The following ZNF423 variants were observed in gnomAD, a reference collection of about 807,000 sequenced individuals.
The protein encoded by ZNF423 is Ebf-associated zinc finger protein.
A neutral mutation model predicts 95.8 loss-of-function variants in ZNF423; 12 were observed. That is an observed-to-expected ratio of 0.13 (90% CI 0.08 to 0.20). The LOEUF is 0.20. Ranked by LOEUF, ZNF423 falls within the 10% of genes least tolerant of loss-of-function variation. ZNF423 has a pLI of 1.00. For synonymous variants in ZNF423, 749 were observed against 711.9 expected, an observed-to-expected ratio of 1.05 and a Z score of -0.83; for missense variants, 1,316 against 1,737.1, an observed-to-expected ratio of 0.76 and a Z score of 4.31.
chr16:49,589,219 A>C (rs940239232), intron 5 of ZNF423, among the ~76,000 whole-genome samples: 3 of 152,202 alleles, frequency 2.0e-5, no homozygotes, highest in African/African-American at 7.2e-5. Context: ...GCTCTCTAGG[A>C]TGTGCCCTTG....
intron 3 of ZNF423, among the ~76,000 whole-genome samples, chr16:49,715,511 C>T (rs1230682654): frequency 6.6e-6 from 1 of 152,218 alleles, no homozygotes; most frequent in East Asian, 1.9e-4. Flanking sequence ...GAGGCCAAGG[C>T]AGGAGGAGTA....
chr16:49,521,359 C>A (rs1168045405), intron 7 of ZNF423, among the ~76,000 whole-genome samples: 2 of 152,216 alleles, frequency 1.3e-5, no homozygotes, highest in African/African-American at 4.8e-5. Context: ...TAGAAAGCCT[C>A]CTCTGTCAGG....
rs1442861670 is a variant in ZNF423, at chr16:49,602,010, G to A, written c.3601+24160C>T. On this transcript the variant is annotated intron_variant, in intron 5 of 7. Transcript: ENST00000563137. ...TTGTTCCAGCTCTGACTTAACTCTG[G>A]TCCCAGCACTGGGTCTTGCATACAG... Among the ~76,000 whole-genome samples, 2 of 152,184 alleles carry A rather than the reference G, an allele frequency of 1.3e-5. 1 individual carries two copies. The highest frequency in any genetic ancestry group is 4.8e-5 in the African/African-American group (2 of 41,436).
At chr16:49,620,210 GACACACACAT>G (rs1210376000) in intron 5 of ZNF423, among the ~76,000 whole-genome samples, 2 of 128,286 alleles carry the variant, frequency 1.6e-5, no homozygotes, top group Non-Finnish European at 3.3e-5. Flanking sequence ...TACACACACA[GACACACACAT>G]ACACATACAC....
chr16:49,730,599 T>A, intron 3 of ZNF423, 172 bp downstream of exon 3: 1 of 715,100 alleles, frequency 1.4e-6, no homozygotes, highest in Non-Finnish European at 2.3e-6. Context: ...TTGCTTTTAT[T>A]TTTAATTGTA....
chr16:49,858,158 T>A (rs555931902), upstream of ZNF423, among the ~76,000 whole-genome samples: 2 of 151,508 alleles, frequency 1.3e-5, no homozygotes, highest in South Asian at 4.2e-4. This position sits in a 1 kb window ranked among gnomAD's most constrained non-coding sequence, Gnocchi z 4.3. Flanking sequence ...GAGGGCTACG[T>A]CCCCTCGGAG....
chr16:49,700,063 G>T (rs1413568665), intron 3 of ZNF423, among the ~76,000 whole-genome samples: 1 of 152,102 alleles, frequency 6.6e-6, no homozygotes, highest in Non-Finnish European at 1.5e-5. Flanking sequence ...CCCAGAGGCT[G>T]CCAGGAAATC....
intron 5 of ZNF423, among the ~76,000 whole-genome samples, chr16:49,541,490 A>G (rs904635099): frequency 6.6e-6 from 1 of 152,226 alleles, no homozygotes; most frequent in Non-Finnish European, 1.5e-5. Context: ...TGCGCTGAGA[A>G]ACTTGCTGGA....
chr16:49,570,208 A>G (rs1193474578), intron 5 of ZNF423, among the ~76,000 whole-genome samples: 1 of 152,172 alleles, frequency 6.6e-6, no homozygotes, highest in East Asian at 1.9e-4. Context: ...TCCAGCCTCA[A>G]TGCACCCCCA....
chr16:49,800,955 A>T (rs2034573868), intron 1 of ZNF423, among the ~76,000 whole-genome samples: 1 of 152,234 alleles, frequency 6.6e-6, no homozygotes, highest in Non-Finnish European at 1.5e-5. Context: ...ATGGGGTAGG[A>T]AAAGAAAAGG....
intron 5 of ZNF423, among the ~76,000 whole-genome samples, chr16:49,623,465 C>G (rs996922805): frequency 5.9e-5 from 9 of 152,240 alleles, no homozygotes; most frequent in African/African-American, 2.2e-4. Context: ...AGAAACACCT[C>G]AGAAATCACT....
intron 5 of ZNF423, among the ~76,000 whole-genome samples, chr16:49,550,997 A>G (rs1969612033): frequency 6.6e-6 from 1 of 152,208 alleles, no homozygotes; most frequent in African/African-American, 2.4e-5. Flanking sequence ...ACAGAGGAGG[A>G]AACAGGTGAT....
intron 3 of ZNF423, among the ~76,000 whole-genome samples, chr16:49,673,672 C>T (rs553835286): frequency 1.3e-5 from 2 of 152,390 alleles, no homozygotes; most frequent in South Asian, 2.1e-4. Context: ...TGTGCAAACA[C>T]GTATGTATGC....
chr16:49,522,629 G>A (rs1968449099), intron 7 of ZNF423, among the ~76,000 whole-genome samples: 1 of 152,128 alleles, frequency 6.6e-6, no homozygotes, highest in South Asian at 2.1e-4. Context: ...ATGTGTATGT[G>A]TGATATATCT....
intron 5 of ZNF423, among the ~76,000 whole-genome samples, chr16:49,531,001 C>T (rs1015720229): frequency 2.0e-5 from 3 of 152,220 alleles, no homozygotes; most frequent in Non-Finnish European, 2.9e-5. Context: ...AGCCGCCCTC[C>T]GCATCTCCAT....
intron 1 of ZNF423, among the ~76,000 whole-genome samples, chr16:49,821,783 G>A (rs111588498): frequency 1.1e-3 from 162 of 152,224 alleles, no homozygotes; most frequent in African/African-American, 3.6e-3. Flanking sequence ...CCCTTCTGTG[G>A]GCCCAGGGAA....
intron 5 of ZNF423, among the ~76,000 whole-genome samples, chr16:49,590,051 T>TATATATATATATATATATATATATATATG (rs879296139): frequency 1.5e-5 from 2 of 134,078 alleles, no homozygotes; most frequent in African/African-American, 2.6e-5. Context: ...TATATATATA[T>TATATATATATATATATATATATATATATG]TTGGTCCATA....
At chr16:49,672,021 C>T (rs935376793) in intron 3 of ZNF423, among the ~76,000 whole-genome samples, 1 of 152,168 alleles carries the variant, frequency 6.6e-6, no homozygotes, top group African/African-American at 2.4e-5. Context: ...CTCCCTACCC[C>T]AAACCCAAAC....
At chr16:49,649,750 AG>A (rs112076366) in intron 3 of ZNF423, among the ~76,000 whole-genome samples, 7,440 of 151,972 alleles carry the variant, frequency 0.049, 237 homozygotes, top group Middle Eastern at 0.095. Flanking sequence ...AGAAGTGTAA[AG>A]GATTAAGTTT....
Sources: gnomAD v4.1 joint callset for allele counts (sites outside exome capture counted in the v4.1 genomes callset) on GRCh38, gnomAD v4.1.1 for gene constraint, Gnocchi (gnomAD v3.1) non-coding constraint, MANE v1.5 for transcripts, NCBI Gene and HGNC (gene_info 2026-07-23, HGNC 2026-07-21) for gene names.